Variants in DNAH10 observed in about 807,000 individuals in gnomAD.
DNAH10 encodes axonemal beta dynein heavy chain 10.
DNAH10 carries 348 observed loss-of-function variants against 506.6 expected under a neutral mutation model. The observed-to-expected ratio is 0.69, with a 90% CI of 0.63 to 0.75. DNAH10 has a LOEUF of 0.75. DNAH10 is among the 30% of genes least tolerant of loss of function. The pLI is 0.00. For synonymous variants in DNAH10, 2,059 were observed against 2,198.6 expected (o/e 0.94, Z 1.78); for missense variants, 5,179 against 5,787.1 (o/e 0.89, Z 3.41).
intron 54 of DNAH10, among the ~76,000 whole-genome samples, chr12:123,896,148 C>CAGAGAGAGAG (rs71444923): frequency 1.3e-4 from 12 of 95,266 alleles, no homozygotes; most frequent in African/African-American, 3.6e-4. Flanking sequence ...CACACACACA[C>CAGAGAGAGAG]AGAGAGAGAG....
chr12:123,804,251 C>T (rs1261085614), intron 17 of DNAH10, among the ~76,000 whole-genome samples: 1 of 152,088 alleles, frequency 6.6e-6, no homozygotes, highest in African/African-American at 2.4e-5. Context: ...TTAGGCAGGG[C>T]TCGGTGGCTC....
At chr12:123,864,149 T>TC (rs1422729556) in intron 39 of DNAH10, among the ~76,000 whole-genome samples, 22 of 147,978 alleles carry the variant, frequency 1.5e-4, no homozygotes, top group African/African-American at 2.2e-4. Context: ...TTTTCTTTTT[T>TC]TTTTTTTTTT....
Position 123,928,334 on chromosome 12 carries a change from C to G in DNAH10, c.12106-53C>G. On this transcript the variant is annotated intron_variant, in intron 69 of 78. Coordinates refer to ENST00000673944, the MANE Select transcript of DNAH10 (RefSeq NM_001372106.1). The surrounding 1 kb of genome is among the most constrained non-coding windows in gnomAD (Gnocchi z 4.9). ...GTGTGGAGTGGGTCTCTGGAGAGCA[C>G]GGGGTTGGGTTTGGATGCCAACCCC... 6.5e-7 allele frequency: 1 copy of G among 1,537,848 alleles called. No homozygotes were observed. Among genetic ancestry groups the G allele is most frequent in the South Asian group, 1.2e-5 (1 of 83,056 alleles).
chr12:123,776,208 CA>C (rs527413308), intron 5 of DNAH10, among the ~76,000 whole-genome samples: 39 of 152,176 alleles, frequency 2.6e-4, no homozygotes, highest in African/African-American at 8.4e-4. Context: ...AGGCTCCAAT[CA>C]GGGGAGGGAG....
At chr12:123,822,936 C>T (rs1376578708) in intron 24 of DNAH10, among the ~76,000 whole-genome samples, 3 of 152,228 alleles carry the variant, frequency 2.0e-5, no homozygotes, top group Non-Finnish European at 2.9e-5. Flanking sequence ...TGCAAACGCT[C>T]ATCTCACTCA....
chr12:123,849,613 C>A (rs1951083466), intron 34 of DNAH10, among the ~76,000 whole-genome samples: 1 of 152,210 alleles, frequency 6.6e-6, no homozygotes, highest in Admixed American at 6.5e-5. Flanking sequence ...GCCCTGCACA[C>A]TTGTCACTAA....
intron 56 of DNAH10, among the ~76,000 whole-genome samples, chr12:123,901,165 C>T (rs1459897483): frequency 6.6e-6 from 1 of 152,234 alleles, no homozygotes; most frequent in Non-Finnish European, 1.5e-5. Flanking sequence ...CTTCGCCAGC[C>T]CCCTTTGCAG....
intron 52 of DNAH10, among the ~76,000 whole-genome samples, chr12:123,889,860 C>T (rs1256534051): frequency 2.0e-5 from 3 of 152,186 alleles, no homozygotes; most frequent in African/African-American, 7.2e-5. Flanking sequence ...GTTTCCCTGT[C>T]TCTTCCAACT....
Position 123,914,897 on chromosome 12 carries a change from T to A in DNAH10, c.10620T>A (p.Asn3540Lys). 1 of 1,613,640 alleles carries A rather than the reference T, an allele frequency of 6.2e-7. No individual in the cohort carries two copies. The highest frequency in any genetic ancestry group is 8.5e-7 in the Non-Finnish European group (1 of 1,179,804). ...GLPPDELSVQ[N>K]GILTTRASRF... ...CCCCCGATGAGCTCTCCGTTCAGAA[T>A]GGCATCCTCACCACCCGGGCCAGCC... The change falls in exon 62 of 79, where the codon AAT (asparagine) becomes AAA (lysine). Residue 3540 changes from asparagine to lysine, a missense_variant. Around this residue, in one of 3 missense-constraint regions of DNAH10, gnomAD observed 4,844 missense variants for 5,430.5 expected, o/e 0.89. Coordinates refer to ENST00000673944, the MANE Select transcript of DNAH10 (RefSeq NM_001372106.1).
chr12:123,916,618 C>T lies in DNAH10; in HGVS notation c.10884C>T (p.Ile3628=). ...TCTCCCAAGGACGGCAGTTTATTATCCTGGGAGACAAGGAAGTGGACTATG... is the reference window on the plus strand; with the variant it reads ...TCTCCCAAGGACGGCAGTTTATTATTCTGGGAGACAAGGAAGTGGACTATG... The part of the protein sequence containing the change: ...IKVSQGRQFI[I]LGDKEVDYDS... Residue 3628 remains isoleucine, a synonymous_variant, in exon 63 of 79, where the codon ATC becomes ATT. Coordinates refer to ENST00000673944, the MANE Select transcript of DNAH10 (RefSeq NM_001372106.1). The surrounding 1 kb of genome is among the most constrained non-coding windows in gnomAD (Gnocchi z 4.6). 1 of 1,613,878 alleles carries T rather than the reference C, an allele frequency of 6.2e-7. No homozygotes were observed. Among genetic ancestry groups the T allele is most frequent in the South Asian group, 1.1e-5 (1 of 91,070 alleles).
intron 52 of DNAH10, among the ~76,000 whole-genome samples, chr12:123,890,758 GAGGTATT>G: frequency 6.6e-6 from 1 of 152,262 alleles, no homozygotes; most frequent in South Asian, 2.1e-4. Flanking sequence ...GTGGATTCAC[GAGGTATT>G]CAGGAGGCAG....
At chr12:123,823,245 C>T (rs1368610150) in intron 24 of DNAH10, among the ~76,000 whole-genome samples, 2 of 152,222 alleles carry the variant, frequency 1.3e-5, no homozygotes, top group Non-Finnish European at 2.9e-5. Context: ...TGTCCATAAC[C>T]TTTCATCCAG....
intron 69 of DNAH10, chr12:123,927,104 G>A (rs570849738): frequency 3.6e-4 from 146 of 411,116 alleles, no homozygotes; most frequent in Non-Finnish European, 5.6e-4. Context: ...GTGCAGTGGT[G>A]CGAACATAGC....
At chr12:123,872,957 C>T (rs540845886) in intron 45 of DNAH10, among the ~76,000 whole-genome samples, 179 of 152,308 alleles carry the variant, frequency 1.2e-3, no homozygotes, top group African/African-American at 3.7e-3. Context: ...AAGGAGCTCT[C>T]GCCAGCCTAA....
intron 36 of DNAH10, among the ~76,000 whole-genome samples, chr12:123,856,489 G>A (rs919894994): frequency 2.0e-5 from 3 of 149,740 alleles, no homozygotes; most frequent in Admixed American, 6.6e-5. Flanking sequence ...GGCACCTGCC[G>A]CCACACCCAG....
intron 25 of DNAH10, among the ~76,000 whole-genome samples, chr12:123,829,070 A>G (rs1210991214): frequency 6.6e-6 from 1 of 152,164 alleles, no homozygotes; most frequent in East Asian, 1.9e-4. Flanking sequence ...TGCGAAACAG[A>G]TTTATTTGCA....
In DNAH10 at chr12:123,928,398, G is replaced by A. The variant is rs768955023; in HGVS notation, c.12117G>A (p.Gln4039=). The change falls in exon 70 of 79, where the codon CAG becomes CAA. Residue 4039 remains glutamine, a synonymous_variant. Transcript: ENST00000673944. The surrounding 1 kb of genome is among the most constrained non-coding windows in gnomAD (Gnocchi z 4.9). ...MGQGQEKVAL[Q]LLETAVARGQ... ...CTCCCCCGGCGCAGGTGGCCCTGCAGCTGCTGGAGACGGCGGTGGCTCGGG... is the reference window on the plus strand; with the variant it reads ...CTCCCCCGGCGCAGGTGGCCCTGCAACTGCTGGAGACGGCGGTGGCTCGGG... 62 of 1,600,720 alleles carry A rather than the reference G, an allele frequency of 3.9e-5. No individual in the cohort carries two copies. The highest frequency in any genetic ancestry group is 5.3e-5 in the Non-Finnish European group (62 of 1,174,200).
Position 123,917,915 on chromosome 12 carries a change from A to G in DNAH10, c.11232+102A>G. The G allele has an allele frequency of 7.5e-7, 1 of 1,327,516 alleles. No individual in the cohort carries two copies. Among genetic ancestry groups the G allele is most frequent in the Non-Finnish European group, 1.0e-6 (1 of 968,294 alleles). The allele number at this position is 1,327,516 out of a possible 1,614,324, so 82.2% of individuals were successfully genotyped here. On this transcript the variant is annotated intron_variant, in intron 64 of 78. Transcript: ENST00000673944. The surrounding 1 kb of genome is among the most constrained non-coding windows in gnomAD (Gnocchi z 5.6). ...CTCAATGAGAAAATGGGGCTCTGTG[A>G]TCTCAGGGCTAAAAACCCACCTCTA...
Position 123,785,721 on chromosome 12 carries a change from C to T in DNAH10, c.1231-25C>T, listed in dbSNP as rs373800707. 54 of 1,539,010 alleles carry T rather than the reference C, an allele frequency of 3.5e-5. No homozygotes were observed. In the Admixed American group the frequency reaches 3.8e-4, roughly 11 times the overall value. ...TGGACCCCAAGGCTAAGGGCTCTTG[C>T]GTGGCTCTCTCCTCTCTTGGTCAGA... On this transcript the variant is annotated intron_variant, in intron 8 of 78. Transcript: ENST00000673944. This position sits in a 1 kb window ranked among gnomAD's most constrained non-coding sequence, Gnocchi z 4.1.
Sources: gnomAD v4.1 joint callset for allele counts (sites outside exome capture counted in the v4.1 genomes callset) on GRCh38, gnomAD v4.1.1 for gene constraint, gnomAD v4.1.1 regional missense constraint, Gnocchi (gnomAD v3.1) non-coding constraint, MANE v1.5 for transcripts, NCBI Gene and HGNC (gene_info 2026-07-23, HGNC 2026-07-21) for gene names.